Variants in RPL7L1 observed in about 807,000 individuals in gnomAD.
The protein encoded by RPL7L1 is ribosomal protein uL30-like.
RPL7L1 carries 20 observed loss-of-function variants against 30.3 expected under a neutral mutation model. The observed-to-expected ratio is 0.66, with a 90% CI of 0.46 to 0.96. The LOEUF is 0.96. Among genes scored for constraint, RPL7L1 ranks in the 40% least tolerant of loss-of-function variants. The probability of loss-of-function intolerance (pLI) is 0.00; values close to 1 mark genes in which losing one functional copy is unlikely to be tolerated. For synonymous variants in RPL7L1, 107 were observed against 110.1 expected, an observed-to-expected ratio of 0.97 and a Z score of 0.18; for missense variants, 271 against 314.9, an observed-to-expected ratio of 0.86 and a Z score of 1.05.
rs750026125 is a variant in RPL7L1 at position 42,884,704 on chromosome 6, C to A, written c.403C>A (p.Gln135Lys). The A allele has an allele frequency of 2.5e-6, 4 of 1,614,124 alleles. No individual in the cohort carries two copies. In the South Asian group the frequency reaches 4.4e-5, roughly 18 times the overall value. The change falls in exon 4 of 6, where the codon CAG becomes AAG. Residue 135 changes from glutamine (Q) to lysine (K), a missense_variant. Gln to Lys is a moderately conservative substitution (Grantham distance 53). Transcript: ENST00000493763. ...TGGTGTCTTTGTAAAAGTCACCCCC[C>A]AGAATCTAAAAATGCTGCGTATAGT... ...FSGVFVKVTPQNLKMLRIVEP... is the reference protein window; with the variant it reads ...FSGVFVKVTPKNLKMLRIVEP...
chr6:42,880,020 G>T, intron 1 of RPL7L1, 69 bp downstream of exon 1: 4 of 1,469,976 alleles, frequency 2.7e-6, no homozygotes, highest in South Asian at 2.3e-5. Context: ...CGGTGTTTAT[G>T]CCTTGGTGGC....
At chr6:42,884,326 A>G (rs1045307834) in intron 3 of RPL7L1, among the ~76,000 whole-genome samples, 1 of 152,174 alleles carries the variant, frequency 6.6e-6, no homozygotes, top group Non-Finnish European at 1.5e-5. Context: ...TTTACTGCCC[A>G]TAGAAGCACA....
At position 42,884,703 on chromosome 6, in the gene RPL7L1, C is replaced by T. The variant is rs1476200858; in HGVS notation, c.402C>T (p.Pro134=). ...IFSGVFVKVT[P]QNLKMLRIVE... ...GTGGTGTCTTTGTAAAAGTCACCCC[C>T]CAGAATCTAAAAATGCTGCGTATAG... is the stretch of plus-strand genomic sequence containing the variant. The change falls in exon 4 of 6, where the codon CCC becomes CCT. Residue 134 remains proline (P), a synonymous_variant. Coordinates refer to ENST00000493763, the MANE Select transcript of RPL7L1 (RefSeq NM_001366481.3). 25 of 1,614,062 alleles carry T rather than the reference C, an allele frequency of 1.5e-5. No homozygotes were observed. Among genetic ancestry groups the T allele is most frequent in the Non-Finnish European group, 2.0e-5 (24 of 1,180,008 alleles).
chr6:42,886,595 G>A lies in RPL7L1; in HGVS notation c.*131G>A, dbSNP rs1208246643. On this transcript the variant is annotated 3_prime_UTR_variant, in exon 6 of 6. Coordinates refer to ENST00000493763, the MANE Select transcript of RPL7L1 (RefSeq NM_001366481.3). ...CTTGAGATTGGGAGGAATAGAGGAG[G>A]CTGGTACAAATAGATGGAGACCTGC... The A allele has an allele frequency of 3.1e-6, 2 of 650,004 alleles. No homozygotes were observed. The highest frequency in any genetic ancestry group is 3.6e-5 in the African/African-American group (2 of 55,364). 40.3% of individuals were successfully genotyped at this position (650,004 alleles called of 1,614,324 possible).
rs773560938 is a variant in RPL7L1 at position 42,883,642 on chromosome 6, A to G, written c.311+28A>G. ...AAGGAACTGGTGTCTTTCTAATTGC[A>G]TGAGGCTGGGGCAAAGTGTTGCTTA... On this transcript the variant is annotated intron_variant, in intron 3 of 5. Transcript: ENST00000493763. 82 of 1,550,564 alleles carry G rather than the reference A, an allele frequency of 5.3e-5. 2 individuals carry two copies. In the South Asian group the frequency reaches 9.6e-4, roughly 18 times the overall value.
chr6:42,882,585 CCT>C (rs1234967298), intron 2 of RPL7L1: 2 of 135,054 alleles, frequency 1.5e-5, no homozygotes, highest in East Asian at 4.0e-4. Flanking sequence ...AGAGCAAAAC[CCT>C]GTCTCAAAAA....
intron 3 of RPL7L1, 143 bp from the exon 4 acceptor site, chr6:42,884,470 G>A (rs1285801637): frequency 9.3e-6 from 6 of 644,566 alleles, no homozygotes; most frequent in Non-Finnish European, 1.3e-5. Flanking sequence ...TTTCATAACC[G>A]CCTCCCACTA....
rs1337481281 is a variant in RPL7L1 at position 42,888,602 on chromosome 6, C to T, written c.*2138C>T. On this transcript the variant is annotated 3_prime_UTR_variant, in exon 6 of 6. Coordinates refer to ENST00000493763, the MANE Select transcript of RPL7L1 (RefSeq NM_001366481.3). ...TTCATAGTGGCAGATAGTGTTAACC[C>T]CTGCACCATCTGTAACTCAGAAATC... The T allele has an allele frequency of 6.6e-6, 1 of 152,224 alleles. No individual in the cohort carries two copies. The highest frequency in any genetic ancestry group is 1.5e-5 in the Non-Finnish European group (1 of 68,070). 9.4% of individuals were successfully genotyped at this position (152,224 alleles called of 1,614,324 possible).
chr6:42,886,422 T>C lies in RPL7L1; in HGVS notation c.726T>C (p.Tyr242=), dbSNP rs1253424938. ...TCAAGGAGATGGGCACACCTGGCTA[T>C]CGGGGTGAACGCATCAATCAGCTCA... ...GFLKEMGTPG[Y]RGERINQLIR... Residue 242 remains tyrosine, a synonymous_variant, in exon 6 of 6, where the codon TAT becomes TAC. Coordinates refer to ENST00000493763, the MANE Select transcript of RPL7L1 (RefSeq NM_001366481.3). 6.3e-7 allele frequency: 1 copy of C among 1,592,486 alleles called. No homozygotes were observed. The highest frequency in any genetic ancestry group is 1.3e-5 in the African/African-American group (1 of 74,690).
Position 42,879,924 on chromosome 6 carries a change from G to A in RPL7L1, c.14G>A (p.Cys5Tyr), listed in dbSNP as rs779236578. 23 of 1,613,994 alleles carry A rather than the reference G, an allele frequency of 1.4e-5. No individual in the cohort carries two copies. The highest frequency in any genetic ancestry group is 1.7e-4 in the Middle Eastern group (1 of 6,060). MISS[C>Y]TTRKMAEQEQ... ...GTGGGGTTGCGCATGATCAGTAGCT[G>A]CACCACTAGAAAGATGGCGGAGCAA... is the stretch of plus-strand genomic sequence containing the variant. Residue 5 changes from cysteine to tyrosine, a missense_variant, in exon 1 of 6, where the codon TGC becomes TAC. Coordinates refer to ENST00000493763, the MANE Select transcript of RPL7L1 (RefSeq NM_001366481.3).
chr6:42,889,703 T>TGGAGCACAG lies in RPL7L1; in HGVS notation c.*3239_*3240insGGAGCACAG, dbSNP rs1766403115. The TGGAGCACAG allele has an allele frequency of 6.6e-6, 1 of 152,280 alleles. No individual in the cohort carries two copies. Among genetic ancestry groups the TGGAGCACAG allele is most frequent in the Non-Finnish European group, 1.5e-5 (1 of 68,026 alleles). 9.4% of individuals were successfully genotyped at this position (152,280 alleles called of 1,614,324 possible). On this transcript the variant is annotated 3_prime_UTR_variant, in exon 6 of 6. Transcript: ENST00000493763. ...TCTGTCCATAAAATGGGAGCTAATA[T>TGGAGCACAG]TCTCCAACCTGTGTGCCTGACATGA...
rs917151416 is a variant in RPL7L1, at chr6:42,886,722, G to A, written c.*258G>A. ...CTAAAAACTGTATTGCTGGCCGGGC[G>A]CGGTGGCTCACGCCTGTAATCCCAG... On this transcript the variant is annotated 3_prime_UTR_variant, in exon 6 of 6. Transcript: ENST00000493763. The A allele has an allele frequency of 2.4e-5, 9 of 370,604 alleles. No individual in the cohort carries two copies. The highest frequency in any genetic ancestry group is 4.6e-5 in the Non-Finnish European group (9 of 195,922). 23.0% of individuals were successfully genotyped at this position (370,604 alleles called of 1,614,324 possible). A position where few individuals can be genotyped will look rare whatever the true frequency, so the allele number is the denominator to read the frequency against.
Position 42,887,552 on chromosome 6 carries a change from C to T in RPL7L1, c.*1088C>T, listed in dbSNP as rs1247344543. On this transcript the variant is annotated 3_prime_UTR_variant, in exon 6 of 6. Coordinates refer to ENST00000493763, the MANE Select transcript of RPL7L1 (RefSeq NM_001366481.3). ...GAGCTGAGATCACGCCATTGCACTC[C>T]AGCCTGGGCAACAAGCGAAACTCTG... 6.6e-6 allele frequency: 1 copy of T among 152,012 alleles called. No homozygotes were observed. Among genetic ancestry groups the T allele is most frequent in the African/African-American group, 2.4e-5 (1 of 41,368 alleles). The allele number at this position is 152,012 out of a possible 1,614,324, so 9.4% of individuals were successfully genotyped here.
Position 42,886,449 on chromosome 6 carries a change from C to T in RPL7L1, c.753C>T (p.Ile251=), listed in dbSNP as rs1327267565. Reference sequence around the variant, plus strand: ...GGGGTGAACGCATCAATCAGCTCATCCGTCAGCTGAACTAGACCCAGGTGA... The same window carrying T: ...GGGGTGAACGCATCAATCAGCTCATTCGTCAGCTGAACTAGACCCAGGTGA... The part of the protein sequence containing the change: ...GYRGERINQL[I]RQLN Residue 251 remains isoleucine (I), a synonymous_variant, in exon 6 of 6, where the codon ATC becomes ATT. Transcript: ENST00000493763. 2 of 1,545,768 alleles carry T rather than the reference C, an allele frequency of 1.3e-6. No homozygotes were observed. Among genetic ancestry groups the T allele is most frequent in the Non-Finnish European group, 1.8e-6 (2 of 1,134,316 alleles).
rs763527598 is a variant in RPL7L1 at position 42,879,910 on chromosome 6, C to T, written c.-1C>T. The T allele has an allele frequency of 1.2e-6, 2 of 1,613,818 alleles. No homozygotes were observed. Among genetic ancestry groups the T allele is most frequent in the African/African-American group, 1.3e-5 (1 of 74,916 alleles). Reference sequence around the variant, plus strand: ...GTCTTCCCCATGTGGTGGGGTTGCGCATGATCAGTAGCTGCACCACTAGAA... The same window carrying T: ...GTCTTCCCCATGTGGTGGGGTTGCGTATGATCAGTAGCTGCACCACTAGAA... On this transcript the variant is annotated 5_prime_UTR_variant, in exon 1 of 6. Coordinates refer to ENST00000493763, the MANE Select transcript of RPL7L1 (RefSeq NM_001366481.3).
chr6:42,882,592 CAAAAAAAA>C (rs57689508), intron 2 of RPL7L1: 9 of 104,738 alleles, frequency 8.6e-5, no homozygotes, highest in African/African-American at 2.5e-4. Context: ...AACCCTGTCT[CAAAAAAAA>C]AAAAAAAAAA....
At chr6:42,880,656 G>T in intron 1 of RPL7L1, 1 of 412,274 alleles carries the variant, frequency 2.4e-6, no homozygotes, top group South Asian at 2.3e-5. Context: ...GGGATTACAG[G>T]CGTGCGCCAC....
chr6:42,880,309 T>G lies in RPL7L1; in HGVS notation c.41+358T>G, dbSNP rs965062738. On this transcript the variant is annotated intron_variant, in intron 1 of 5. Coordinates refer to ENST00000493763, the MANE Select transcript of RPL7L1 (RefSeq NM_001366481.3). ...CTGTGGCCGTGAAAACCCTGTTAAC[T>G]TATACGAACCCAGAGGCTAAAGGAT... Among the ~76,000 whole-genome samples, 6 of 152,120 alleles carry G rather than the reference T, an allele frequency of 3.9e-5. No homozygotes were observed. The East Asian group carries it at 7.7e-4, about 20-fold the overall frequency.
chr6:42,884,542 C>T (rs1255531106), intron 3 of RPL7L1, 71 bp from the exon 4 acceptor site: 27 of 1,424,674 alleles, frequency 1.9e-5, no homozygotes, highest in East Asian at 1.1e-4. Context: ...GTAGTGACCT[C>T]GCATGTTGTG....
Sources: allele counts gnomAD v4.1 joint callset (sites outside exome capture counted in the v4.1 genomes callset), GRCh38; gene constraint gnomAD v4.1.1; transcripts MANE v1.5; gene names NCBI Gene and HGNC (gene_info 2026-07-23, HGNC 2026-07-21).